The following GALNT17 variants were observed in gnomAD, a reference collection of about 807,000 sequenced individuals.
The protein encoded by GALNT17 is polypeptide N-acetylgalactosaminyltransferase 17.
Under a neutral mutation model 63.7 loss-of-function variants are expected in GALNT17, and 29 were observed. The ratio of observed to expected loss-of-function variants is 0.46; its 90% CI spans 0.34 to 0.62. The LOEUF (loss-of-function observed/expected upper bound fraction) is 0.62. Among genes scored for constraint, GALNT17 ranks in the 20% least tolerant of loss-of-function variants. The pLI is 0.01. For missense variants in GALNT17, 603 were observed against 799.6 expected, an observed-to-expected ratio of 0.75 and a Z score of 2.97; for synonymous variants, 305 against 318.3, an observed-to-expected ratio of 0.96 and a Z score of 0.45.
intron 1 of GALNT17, among the ~76,000 whole-genome samples, chr7:71,321,879 C>CTTCCTTCCT: frequency 1.5e-5 from 1 of 65,200 alleles, no homozygotes; most frequent in Non-Finnish European, 2.9e-5. Flanking sequence ...TCCTTCCTTC[C>CTTCCTTCCT]TTCCTTCCTT....
chr7:71,217,140 G>GGT (rs1554340002), intron 1 of GALNT17, among the ~76,000 whole-genome samples: 20 of 95,216 alleles, frequency 2.1e-4, no homozygotes, highest in African/African-American at 7.8e-4. Context: ...ATTTTTTCGT[G>GGT]TTTTGTTTTT....
intron 1 of GALNT17, among the ~76,000 whole-genome samples, chr7:71,163,233 G>A (rs908075379): frequency 1.3e-5 from 2 of 152,160 alleles, no homozygotes; most frequent in Non-Finnish European, 2.9e-5. Context: ...GAACAGTTTG[G>A]GAGAGATGAA....
At chr7:71,676,251 A>G (rs915316890) in intron 8 of GALNT17, among the ~76,000 whole-genome samples, 3 of 152,034 alleles carry the variant, frequency 2.0e-5, no homozygotes, top group Admixed American at 6.6e-5. Flanking sequence ...ACTTTTGTCT[A>G]TTTCCTCCGT....
At chr7:71,643,304 C>T (rs951363019) in intron 6 of GALNT17, among the ~76,000 whole-genome samples, 1 of 152,068 alleles carries the variant, frequency 6.6e-6, no homozygotes, top group African/African-American at 2.4e-5. Context: ...CCTGTCTCTA[C>T]TAAAAATACA....
chr7:71,337,547 T>C (rs1791930220), intron 2 of GALNT17, among the ~76,000 whole-genome samples: 1 of 152,192 alleles, frequency 6.6e-6, no homozygotes. Flanking sequence ...CAACTTACAC[T>C]TTTTTGCATG....
At chr7:71,227,578 G>GT (rs1562931078) in intron 1 of GALNT17, among the ~76,000 whole-genome samples, 3 of 152,026 alleles carry the variant, frequency 2.0e-5, no homozygotes, top group Admixed American at 6.6e-5. Flanking sequence ...AGAGACCCCT[G>GT]TTATCCCTCC....
chr7:71,344,296 A>G (rs1449062476), intron 2 of GALNT17, among the ~76,000 whole-genome samples: 2 of 152,214 alleles, frequency 1.3e-5, no homozygotes, highest in African/African-American at 4.8e-5. Flanking sequence ...CAGGAAAAAA[A>G]CAAAAGCTCT....
At chr7:71,177,296 T>C (rs1445290795) in intron 1 of GALNT17, among the ~76,000 whole-genome samples, 1 of 151,392 alleles carries the variant, frequency 6.6e-6, no homozygotes, top group Non-Finnish European at 1.5e-5. Flanking sequence ...TCAATATCTC[T>C]GTCTCCAGTC....
chr7:71,211,208 C>T (rs750247921), intron 1 of GALNT17, among the ~76,000 whole-genome samples: 23 of 151,370 alleles, frequency 1.5e-4, no homozygotes, highest in Non-Finnish European at 3.2e-4. Context: ...TGGGAGGGAC[C>T]CAGGGGGAGG....
chr7:71,483,725 T>C (rs1169948575), intron 5 of GALNT17, among the ~76,000 whole-genome samples: 1 of 152,158 alleles, frequency 6.6e-6, no homozygotes, highest in Non-Finnish European at 1.5e-5. Context: ...TTGCTTACTG[T>C]AACTTTGTAA....
intron 5 of GALNT17, among the ~76,000 whole-genome samples, chr7:71,460,754 A>C (rs950179662): frequency 4.6e-5 from 7 of 152,196 alleles, no homozygotes; most frequent in African/African-American, 1.7e-4. Flanking sequence ...GGGGTGGATC[A>C]TTCATGCCTC....
chr7:71,539,044 C>A lies in GALNT17; in HGVS notation c.963-32241C>A, dbSNP rs995382996. 3.3e-5 allele frequency among the ~76,000 whole-genome samples: 5 copies of A among 152,218 alleles called. No individual in the cohort carries two copies. The South Asian group carries it at 1.0e-3, about 32-fold the overall frequency. On this transcript the variant is annotated intron_variant, in intron 5 of 10. Transcript: ENST00000333538. ...CTCCACCTCCCAGGTTCAATTGATT[C>A]TCCTGCCTCCCGAGTAGCTGGGATT...
In GALNT17 at chr7:71,524,268, AATTATAT is replaced by A. The variant is rs201186386; in HGVS notation, c.963-47011_963-47005del. Among the ~76,000 whole-genome samples the A allele has an allele frequency of 4.7e-3, 690 of 147,660 alleles. 11 individuals are homozygous for A. The highest frequency in any genetic ancestry group is 0.016 in the African/African-American group (658 of 40,686). On this transcript the variant is annotated intron_variant, in intron 5 of 10. Transcript: ENST00000333538. Reference sequence around the variant, plus strand: ...TAATAATATATATTATATTATATATAATTATATATTATCATATTAGTATATTGATATT... The same window carrying A: ...TAATAATATATATTATATTATATATAATTATCATATTAGTATATTGATATT...
At chr7:71,212,626 G>A (rs563939319) in intron 1 of GALNT17, among the ~76,000 whole-genome samples, 1 of 152,068 alleles carries the variant, frequency 6.6e-6, no homozygotes, top group Non-Finnish European at 1.5e-5. Context: ...CAGGAGGGGG[G>A]GCTATACCCT....
chr7:71,518,505 G>A (rs1159059378), intron 5 of GALNT17, among the ~76,000 whole-genome samples: 8 of 152,136 alleles, frequency 5.3e-5, no homozygotes, highest in Admixed American at 2.6e-4. Flanking sequence ...ATTTAAGCAG[G>A]ATGCCATTAA....
At chr7:71,331,636 G>A (rs1186748573) in intron 1 of GALNT17, among the ~76,000 whole-genome samples, 6 of 152,034 alleles carry the variant, frequency 3.9e-5, no homozygotes, top group African/African-American at 9.7e-5. Context: ...GCTTGAGCCC[G>A]GGAGTTCAAA....
intron 1 of GALNT17, among the ~76,000 whole-genome samples, chr7:71,301,815 A>G (rs1042131063): frequency 6.6e-6 from 1 of 152,244 alleles, no homozygotes; most frequent in Non-Finnish European, 1.5e-5. Flanking sequence ...CAAAGTACAC[A>G]AAGGCAAAAA....
In GALNT17 at chr7:71,712,157, C is replaced by A; in HGVS notation, c.*11C>A. ...AACTCCATCAAGTAGAGGGAGGGAGCTGGGGCACTGGAGCCTGGCCCCCAG... is the reference window on the plus strand; with the variant it reads ...AACTCCATCAAGTAGAGGGAGGGAGATGGGGCACTGGAGCCTGGCCCCCAG... On this transcript the variant is annotated 3_prime_UTR_variant, in exon 11 of 11. Transcript: ENST00000333538. The A allele has an allele frequency of 1.9e-6, 3 of 1,609,080 alleles. No individual in the cohort carries two copies. The South Asian group carries it at 3.3e-5, about 18-fold the overall frequency.
intron 1 of GALNT17, among the ~76,000 whole-genome samples, chr7:71,333,146 C>T (rs1791835834): frequency 6.6e-6 from 1 of 152,192 alleles, no homozygotes; most frequent in African/African-American, 2.4e-5. Flanking sequence ...CAGTCACTGT[C>T]CATTTTCTCC....
Sources: gnomAD v4.1 joint callset for allele counts (sites outside exome capture counted in the v4.1 genomes callset) on GRCh38, gnomAD v4.1.1 for gene constraint, MANE v1.5 for transcripts, NCBI Gene and HGNC (gene_info 2026-07-23, HGNC 2026-07-21) for gene names.